The following PLK5 variants were observed in gnomAD, a reference collection of about 807,000 sequenced individuals.
PLK5 encodes the protein polo like kinase 5 (inactive).
PLK5 carries 28 observed loss-of-function variants against 33.7 expected under a neutral mutation model. That is an observed-to-expected ratio of 0.83 (90% CI 0.62 to 1.14). The LOEUF (loss-of-function observed/expected upper bound fraction) is 1.14. PLK5 is among the 50% of genes most tolerant of loss of function. The pLI is 0.00. For missense variants in PLK5, 492 were observed against 461.5 expected, an observed-to-expected ratio of 1.07 and a Z score of -0.61; for synonymous variants, 225 against 202.2, an observed-to-expected ratio of 1.11 and a Z score of -0.96.
chr19:1,533,519 G>C (rs1465646226), intron 12 of PLK5, among the ~76,000 whole-genome samples: 1 of 152,098 alleles, frequency 6.6e-6, no homozygotes, highest in African/African-American at 2.4e-5. Context: ...CTGCAGTGTG[G>C]ATAGAGTTGG....
intron 3 of PLK5, 38 bp from the exon 4 acceptor site, chr19:1,526,448 C>T (rs138576880): frequency 2.9e-4 from 66 of 231,060 alleles, no homozygotes; most frequent in Non-Finnish European, 4.7e-4. Context: ...GCTGAGCTTA[C>T]ATTTGCCTTC....
In PLK5 at chr19:1,528,928, C is replaced by T. The variant is rs1913840890; in HGVS notation, c.359C>T (p.Pro120Leu). The T allele has an allele frequency of 6.6e-7, 1 of 1,517,730 alleles. No homozygotes were observed. Among genetic ancestry groups the T allele is most frequent in the Non-Finnish European group, 8.8e-7 (1 of 1,138,394 alleles). 94.0% of individuals were successfully genotyped at this position (1,517,730 alleles called of 1,614,324 possible). ...TTCACGCCTAAAGAGGCCTCGGGTCCAGGAGAAGGTGGGCCAGACCCTGAC... is the reference window on the plus strand; with the variant it reads ...TTCACGCCTAAAGAGGCCTCGGGTCTAGGAGAAGGTGGGCCAGACCCTGAC... The part of the protein sequence containing the change: ...CPFTPKEASG[P>L]GEGGPDPDSM... The change falls in exon 9 of 14, where the codon CCA (proline) becomes CTA (leucine). Residue 120 changes from proline (P) to leucine (L), a missense_variant. Transcript: ENST00000454744.
In PLK5 at chr19:1,528,350, A is replaced by G. The variant is rs1913808968; in HGVS notation, c.250A>G (p.Ile84Val). ...GGCCCACTCCTGCCACAGTCCCCCC[A>G]TCTTCGCCATACCCCCGCCTCTGGG... ...LPAHSCHSPP[I>V]FAIPPPLGRI... is the part of the protein sequence containing the mutation. Residue 84 changes from isoleucine to valine, a missense_variant, in exon 8 of 14, where the codon ATC becomes GTC. Ile to Val is a conservative substitution (Grantham distance 29, BLOSUM62 3). Transcript: ENST00000454744. 6.5e-7 allele frequency: 1 copy of G among 1,532,528 alleles called. No individual in the cohort carries two copies. Among genetic ancestry groups the G allele is most frequent in the Non-Finnish European group, 8.7e-7 (1 of 1,145,770 alleles). The allele number at this position is 1,532,528 out of a possible 1,614,324, so 94.9% of individuals were successfully genotyped here. A position where few individuals can be genotyped will look rare whatever the true frequency, so the allele number is the denominator to read the frequency against.
At position 1,532,918 on chromosome 19, in the gene PLK5, G is replaced by A. The variant is rs189258716; in HGVS notation, c.715-1013G>A. On this transcript the variant is annotated intron_variant, in intron 12 of 13. Transcript: ENST00000454744. ...CCTGACCTCGTGATCTGCCCGCCTC[G>A]GCCTCCCAAAGTGCTGGGATTACAG... is the stretch of plus-strand genomic sequence containing the variant. Among the ~76,000 whole-genome samples, 86 of 150,994 alleles carry A rather than the reference G, an allele frequency of 5.7e-4. 1 individual carries two copies. Among genetic ancestry groups the A allele is most frequent in the Admixed American group, 1.1e-3 (17 of 15,150 alleles).
intron 13 of PLK5, 28 bp from the exon 14 acceptor site, chr19:1,535,037 C>T (rs1439263046): frequency 1.3e-6 from 2 of 1,498,834 alleles, no homozygotes; most frequent in Non-Finnish European, 1.8e-6. Flanking sequence ...TACCCGTCTC[C>T]CCTTGACTGG....
At position 1,533,971 on chromosome 19, in the gene PLK5, G is replaced by A. The variant is rs1264459698; in HGVS notation, c.755G>A (p.Gly252Asp). 1.3e-6 allele frequency: 2 copies of A among 1,535,014 alleles called. No individual in the cohort carries two copies. The highest frequency in any genetic ancestry group is 1.7e-6 in the Non-Finnish European group (2 of 1,146,776). The change falls in exon 13 of 14, where the codon GGC becomes GAC. Residue 252 changes from glycine to aspartate, a missense_variant. Gly to Asp is a moderately conservative substitution (Grantham distance 94, BLOSUM62 -1). Coordinates refer to ENST00000454744, the MANE Select transcript of PLK5 (RefSeq NM_001243079.2). ...LPTPVPPAGP[G>D]LCLLRFLASE... ...ACACCTGTGCCACCTGCTGGACCCG[G>A]CCTCTGCCTCCTGCGCTTCCTGGCC... is the stretch of plus-strand genomic sequence containing the variant.
Position 1,529,831 on chromosome 19 carries a change from G to A in PLK5, c.568+7G>A, listed in dbSNP as rs1913876428. 1 of 1,535,132 alleles carries A rather than the reference G, an allele frequency of 6.5e-7. No homozygotes were observed. The highest frequency in any genetic ancestry group is 8.7e-7 in the Non-Finnish European group (1 of 1,146,472). On this transcript the variant is annotated splice_region_variant and intron_variant, in intron 11 of 13. Coordinates refer to ENST00000454744, the MANE Select transcript of PLK5 (RefSeq NM_001243079.2). ...CTGGATGTAGGCCCCCCGGGTAGGAGCCGGCCCAGCCCCCAGGATCACCTT... is the reference window on the plus strand; with the variant it reads ...CTGGATGTAGGCCCCCCGGGTAGGAACCGGCCCAGCCCCCAGGATCACCTT...
At chr19:1,527,856 T>C in intron 6 of PLK5, 80 bp from the exon 7 acceptor site, 2 of 1,378,576 alleles carry the variant, frequency 1.5e-6, no homozygotes, top group Admixed American at 2.1e-5. Context: ...CTAAGCTGTG[T>C]AGGCAGGTCT....
At chr19:1,530,323 A>G (rs926145825) in intron 11 of PLK5, among the ~76,000 whole-genome samples, 1 of 151,684 alleles carries the variant, frequency 6.6e-6, no homozygotes, top group Non-Finnish European at 1.5e-5. Context: ...AAGAGACGGA[A>G]TCTCACTCTG....
chr19:1,527,138 T>G, intron 6 of PLK5, 140 bp downstream of exon 6: 2 of 906,958 alleles, frequency 2.2e-6, no homozygotes, highest in East Asian at 2.7e-5. Flanking sequence ...GTGTGCAGTA[T>G]GAACAGGACG....
Position 1,532,157 on chromosome 19 carries a change from C to G in PLK5, c.714+274C>G, listed in dbSNP as rs1913950425. On this transcript the variant is annotated intron_variant, in intron 12 of 13. Coordinates refer to ENST00000454744, the MANE Select transcript of PLK5 (RefSeq NM_001243079.2). The stretch of plus-strand genomic sequence containing the variant: ...AGTGACGTGAATGACAAGCGGCAGC[C>G]CTGTGCTTTGGGAGGCCAAGGCAGG... Among the ~76,000 whole-genome samples the G allele has an allele frequency of 2.0e-5, 3 of 152,272 alleles. No homozygotes were observed. In the South Asian group the frequency reaches 6.2e-4, roughly 32 times the overall value.
chr19:1,534,155 G>GGGA, intron 13 of PLK5, 114 bp downstream of exon 13: 1 of 527,442 alleles, frequency 1.9e-6, no homozygotes, highest in African/African-American at 2.2e-5. Flanking sequence ...TGCCTCCCAG[G>GGGA]AAAAAAAAAA....
In PLK5 at chr19:1,527,010, C is replaced by T; in HGVS notation, c.2+12C>T. The T allele has an allele frequency of 5.9e-6, 9 of 1,526,168 alleles. No homozygotes were observed. The highest frequency in any genetic ancestry group is 7.9e-6 in the Non-Finnish European group (9 of 1,142,500). 94.5% of individuals were successfully genotyped at this position (1,526,168 alleles called of 1,614,324 possible). A position where few individuals can be genotyped will look rare whatever the true frequency, so the allele number is the denominator to read the frequency against. Reference sequence around the variant, plus strand: ...CTGGGCTGCATCATGTGAGTGGGGTCCTGGAGAAGGTGGGCAGGGCCTCCG... The same window carrying T: ...CTGGGCTGCATCATGTGAGTGGGGTTCTGGAGAAGGTGGGCAGGGCCTCCG... On this transcript the variant is annotated intron_variant, in intron 6 of 13. Coordinates refer to ENST00000454744, the MANE Select transcript of PLK5 (RefSeq NM_001243079.2).
intron 13 of PLK5, 111 bp downstream of exon 13, chr19:1,534,152 CA>C: frequency 3.5e-6 from 2 of 569,332 alleles, no homozygotes; most frequent in Admixed American, 3.9e-5. Flanking sequence ...ATTTGCCTCC[CA>C]GGAAAAAAAA....
intron 13 of PLK5, 53 bp downstream of exon 13, chr19:1,534,094 G>C: frequency 7.3e-7 from 1 of 1,374,336 alleles, no homozygotes; most frequent in Non-Finnish European, 1.0e-6. Flanking sequence ...GTGGGGTCTG[G>C]CCTGCCTGGG....
At chr19:1,529,854 C>T (rs1913877326) in intron 11 of PLK5, 30 bp downstream of exon 11, 1 of 1,527,338 alleles carries the variant, frequency 6.5e-7, no homozygotes, top group South Asian at 1.2e-5. Flanking sequence ...CCAGGATCAC[C>T]TTTACTCTTA....
In PLK5 at chr19:1,535,216, T is replaced by C. The variant is rs1271308351; in HGVS notation, c.977T>C (p.Leu326Pro). ...TGCGCCCCCACCACCGGACAGCACC[T>C]TCACCACGCCCTCCGCATGCTGCAG... ...HGCAPTTGQH[L>P]HHALRMLQSI Residue 326 changes from leucine to proline, a missense_variant, in exon 14 of 14, where the codon CTT becomes CCT. Coordinates refer to ENST00000454744, the MANE Select transcript of PLK5 (RefSeq NM_001243079.2). 1 of 1,535,726 alleles carries C rather than the reference T, an allele frequency of 6.5e-7. No individual in the cohort carries two copies. The highest frequency in any genetic ancestry group is 8.7e-7 in the Non-Finnish European group (1 of 1,146,756).
At chr19:1,527,037 G>GC in intron 6 of PLK5, 39 bp downstream of exon 6, 2 of 1,469,438 alleles carry the variant, frequency 1.4e-6, no homozygotes, top group Non-Finnish European at 1.8e-6. Flanking sequence ...GGGCCTCCGG[G>GC]GGGGGCAGGT....
chr19:1,528,829 G>A (rs965100372), intron 8 of PLK5, 69 bp from the exon 9 acceptor site: 4 of 1,192,690 alleles, frequency 3.4e-6, no homozygotes, highest in Non-Finnish European at 4.5e-6. Flanking sequence ...GGTGTGGGTG[G>A]CAGGTGCCCC....
Sources: gnomAD v4.1 joint callset for allele counts (sites outside exome capture counted in the v4.1 genomes callset) on GRCh38, gnomAD v4.1.1 for gene constraint, MANE v1.5 for transcripts, NCBI Gene and HGNC (gene_info 2026-07-23, HGNC 2026-07-21) for gene names.